INVS: variants seen among roughly 807,000 people sequenced by gnomAD.
The protein encoded by INVS is inversin.
Under a neutral mutation model 108.8 loss-of-function variants are expected in INVS, and 86 were observed. That is an observed-to-expected ratio of 0.79 (90% CI 0.66 to 0.95). The LOEUF (loss-of-function observed/expected upper bound fraction) is 0.95. INVS is among the 40% of genes least tolerant of loss of function. The pLI, the probability that INVS is intolerant of heterozygous loss-of-function variation, is 0.00. For synonymous variants in INVS, 455 were observed against 473.5 expected (o/e 0.96, Z 0.51); for missense variants, 1,169 against 1,297.4 (o/e 0.90, Z 1.52).
At chr9:100,176,603 A>C (rs1163109598) in intron 3 of INVS, among the ~76,000 whole-genome samples, 1 of 151,948 alleles carries the variant, frequency 6.6e-6, no homozygotes. Flanking sequence ...CAGCCTCCCA[A>C]GTAGCTAGGA....
intron 4 of INVS, 93 bp downstream of exon 4, chr9:100,226,328 C>A: frequency 2.1e-6 from 2 of 963,906 alleles, no homozygotes; most frequent in East Asian, 2.5e-5. Flanking sequence ...CCTGAATTAC[C>A]ACATATATAC....
intron 5 of INVS, among the ~76,000 whole-genome samples, chr9:100,230,299 A>G (rs769157940): frequency 6.6e-6 from 1 of 152,228 alleles, no homozygotes; most frequent in East Asian, 1.9e-4. Flanking sequence ...GTCTCATTCT[A>G]TTCTCTCCTT....
At chr9:100,142,128 T>C (rs551462227) in intron 3 of INVS, among the ~76,000 whole-genome samples, 1 of 152,320 alleles carries the variant, frequency 6.6e-6, no homozygotes, top group African/African-American at 2.4e-5. Flanking sequence ...TGAATGACTC[T>C]AGCTTCCTTT....
chr9:100,275,458 T>C (rs1833084590), intron 12 of INVS, among the ~76,000 whole-genome samples: 1 of 152,208 alleles, frequency 6.6e-6, no homozygotes, highest in African/African-American at 2.4e-5. Context: ...CTAAGAGATA[T>C]ACTTAAGTGG....
At chr9:100,191,003 G>A (rs1830203642) in intron 3 of INVS, among the ~76,000 whole-genome samples, 1 of 151,958 alleles carries the variant, frequency 6.6e-6, no homozygotes, top group South Asian at 2.1e-4. Context: ...TGGGACTATA[G>A]GCATATGCCA....
chr9:100,262,480 G>A (rs909775057), intron 10 of INVS, among the ~76,000 whole-genome samples: 7 of 151,728 alleles, frequency 4.6e-5, no homozygotes, highest in African/African-American at 7.3e-5. Flanking sequence ...TATTCAAAAT[G>A]TCAAATGTAT....
At chr9:100,296,609 C>G (rs577663356) in intron 14 of INVS, among the ~76,000 whole-genome samples, 1 of 152,328 alleles carries the variant, frequency 6.6e-6, no homozygotes, top group East Asian at 1.9e-4. Context: ...TCTGTTTGCA[C>G]AACCAGCTCC....
chr9:100,239,669 T>G (rs539174911), intron 5 of INVS, among the ~76,000 whole-genome samples: 89 of 152,288 alleles, frequency 5.8e-4, no homozygotes, highest in African/African-American at 2.0e-3. Flanking sequence ...TTTCGAAAAT[T>G]CCTCAGTTAA....
In INVS at chr9:100,253,111, C is replaced by G. The variant is rs1210752899; in HGVS notation, c.1439C>G (p.Ala480Gly). ...ATGGCAGTTCTCATGGAAAACAATG[C>G]AGACCCTAACATTCAAGACAAAGAG... is the stretch of plus-strand genomic sequence containing the variant. ...NCMAVLMENN[A>G]DPNIQDKEGR... Residue 480 changes from alanine to glycine, a missense_variant, in exon 10 of 17, where the codon GCA (alanine) becomes GGA (glycine). Physicochemically the swap from Ala to Gly is moderately conservative, Grantham distance 60. Transcript: ENST00000262457. The G allele has an allele frequency of 2.5e-6, 4 of 1,613,168 alleles. No individual in the cohort carries two copies. The highest frequency in any genetic ancestry group is 8.5e-7 in the Non-Finnish European group (1 of 1,179,286).
intron 3 of INVS, among the ~76,000 whole-genome samples, chr9:100,214,471 A>G (rs1830927773): frequency 6.6e-6 from 1 of 152,212 alleles, no homozygotes; most frequent in South Asian, 2.1e-4. Context: ...TTAAACTTGG[A>G]TCAACCATTA....
At chr9:100,164,026 T>C (rs565260960) in intron 3 of INVS, among the ~76,000 whole-genome samples, 8 of 152,304 alleles carry the variant, frequency 5.3e-5, no homozygotes, top group Middle Eastern at 3.4e-3. Context: ...GAGAGACTAA[T>C]TAGGAAGCTG....
At chr9:100,261,556 C>T (rs982316243) in intron 10 of INVS, among the ~76,000 whole-genome samples, 2 of 151,968 alleles carry the variant, frequency 1.3e-5, no homozygotes, top group African/African-American at 2.4e-5. Flanking sequence ...CATGAGCCAC[C>T]GCACCTGGGA....
Position 100,163,662 on chromosome 9 carries a change from G to T in INVS, c.273+37113G>T, listed in dbSNP as rs187029343. ...TGTAGGGATTTGCAAATATAAATAG[G>T]GTGATCAGGGTAGACCTCACTTAAG... On this transcript the variant is annotated intron_variant, in intron 3 of 16. Coordinates refer to ENST00000262457, the MANE Select transcript of INVS (RefSeq NM_014425.5). Among the ~76,000 whole-genome samples the T allele has an allele frequency of 2.4e-3, 364 of 152,032 alleles. 1 individual carries two copies. Among genetic ancestry groups the T allele is most frequent in the Non-Finnish European group, 3.9e-3 (267 of 67,942 alleles).
intron 10 of INVS, among the ~76,000 whole-genome samples, chr9:100,257,993 T>A (rs1832479568): frequency 6.6e-6 from 1 of 152,258 alleles, no homozygotes; most frequent in African/African-American, 2.4e-5. Flanking sequence ...GATAATATCC[T>A]GAACAGTGTT....
At chr9:100,198,921 A>G (rs934884134) in intron 3 of INVS, among the ~76,000 whole-genome samples, 6 of 151,930 alleles carry the variant, frequency 3.9e-5, no homozygotes, top group Non-Finnish European at 7.4e-5. Flanking sequence ...ATGTCCCTCA[A>G]TTTGGGTTTG....
intron 3 of INVS, among the ~76,000 whole-genome samples, chr9:100,165,906 T>C (rs758562931): frequency 4.6e-5 from 7 of 152,154 alleles, no homozygotes; most frequent in African/African-American, 2.4e-5. Context: ...GAAAAAGTAT[T>C]TGGAGAACAC....
At chr9:100,115,689 T>G (rs1564118960) in intron 2 of INVS, among the ~76,000 whole-genome samples, 1 of 152,256 alleles carries the variant, frequency 6.6e-6, no homozygotes, top group African/African-American at 2.4e-5. Flanking sequence ...TAATCCAGTC[T>G]GTCATTATTG....
chr9:100,277,330 G>A (rs1415672384), intron 12 of INVS, among the ~76,000 whole-genome samples: 12 of 152,134 alleles, frequency 7.9e-5, no homozygotes, highest in Admixed American at 4.6e-4. Flanking sequence ...CAATGCTCCC[G>A]TGAACATCAC....
intron 10 of INVS, among the ~76,000 whole-genome samples, chr9:100,262,653 A>T (rs1465291286): frequency 6.6e-6 from 1 of 151,622 alleles, no homozygotes; most frequent in African/African-American, 2.4e-5. Flanking sequence ...AAAAAAAAAA[A>T]AAAAAAAACT....
Sources: allele counts gnomAD v4.1 joint callset (sites outside exome capture counted in the v4.1 genomes callset), GRCh38; gene constraint gnomAD v4.1.1; transcripts MANE v1.5; gene names NCBI Gene and HGNC (gene_info 2026-07-23, HGNC 2026-07-21).